Variants in RALYL observed in about 807,000 individuals in gnomAD.
RALYL encodes RALY RNA binding protein like.
RALYL carries 29 observed loss-of-function variants against 35.1 expected under a neutral mutation model. That is an observed-to-expected ratio of 0.83 (90% CI 0.61 to 1.13). RALYL has a LOEUF of 1.13. RALYL is among the 50% of genes most tolerant of loss of function. The probability of loss-of-function intolerance (pLI) is 0.00; values close to 1 mark genes in which losing one functional copy is unlikely to be tolerated. For missense variants in RALYL, 359 were observed against 360.4 expected (o/e 1.00, Z 0.03); for synonymous variants, 120 against 127.6 (o/e 0.94, Z 0.40).
At chr8:84,481,914 ACT>A (rs1033321504) in intron 1 of RALYL, among the ~76,000 whole-genome samples, 3 of 152,106 alleles carry the variant, frequency 2.0e-5, no homozygotes, top group Admixed American at 6.6e-5. Context: ...ACAATTATCA[ACT>A]CTCATAAAAT....
At chr8:84,189,005 A>G (rs1160832691) in intron 1 of RALYL, among the ~76,000 whole-genome samples, 1 of 152,106 alleles carries the variant, frequency 6.6e-6, no homozygotes, top group African/African-American at 2.4e-5. Flanking sequence ...GTCTTTTTCT[A>G]TCCATTTGTA....
chr8:84,195,124 C>T (rs183365483), intron 1 of RALYL, among the ~76,000 whole-genome samples: 62 of 152,220 alleles, frequency 4.1e-4, no homozygotes, highest in African/African-American at 1.5e-3. Context: ...TCTAGCCCCT[C>T]TTTTCAGAGT....
At chr8:84,837,145 C>A (rs1211307265) in intron 4 of RALYL, among the ~76,000 whole-genome samples, 2 of 152,148 alleles carry the variant, frequency 1.3e-5, no homozygotes, top group African/African-American at 4.8e-5. Context: ...GTTCTTATTT[C>A]AGATTCAGTT....
chr8:84,555,791 T>C (rs1436359817), intron 2 of RALYL, among the ~76,000 whole-genome samples: 1 of 152,190 alleles, frequency 6.6e-6, no homozygotes, highest in Non-Finnish European at 1.5e-5. Flanking sequence ...ATATAACATT[T>C]TCTAAATTTA....
chr8:84,246,146 A>G (rs1278503877), intron 1 of RALYL, among the ~76,000 whole-genome samples: 1 of 152,134 alleles, frequency 6.6e-6, no homozygotes, highest in Non-Finnish European at 1.5e-5. Flanking sequence ...GGTAGACAAC[A>G]GCACCAGTGA....
At chr8:84,648,118 G>A (rs1347424738) in intron 2 of RALYL, among the ~76,000 whole-genome samples, 2 of 150,680 alleles carry the variant, frequency 1.3e-5, no homozygotes, top group African/African-American at 4.9e-5. Flanking sequence ...GCACATGCGT[G>A]CACACACACA....
intron 2 of RALYL, among the ~76,000 whole-genome samples, chr8:84,570,689 T>C (rs2135774718): frequency 6.6e-6 from 1 of 152,014 alleles, no homozygotes; most frequent in African/African-American, 2.4e-5. Flanking sequence ...GCTTTCAACT[T>C]TTCTCCATTC....
At chr8:84,497,383 T>C (rs1404772566) in intron 1 of RALYL, among the ~76,000 whole-genome samples, 4 of 152,302 alleles carry the variant, frequency 2.6e-5, no homozygotes, top group East Asian at 3.9e-4. Context: ...CTATGGTTTA[T>C]TTGATGAACC....
chr8:84,689,905 T>C (rs1360219869), intron 2 of RALYL, among the ~76,000 whole-genome samples: 1 of 152,086 alleles, frequency 6.6e-6, no homozygotes, highest in Non-Finnish European at 1.5e-5. Flanking sequence ...TGTCATCAAG[T>C]GTGGAAAAAA....
chr8:84,373,702 C>G (rs1856384840), intron 1 of RALYL, among the ~76,000 whole-genome samples: 2 of 151,952 alleles, frequency 1.3e-5, no homozygotes, highest in Non-Finnish European at 2.9e-5. Context: ...GCAATTCAGG[C>G]TCTTTTATGG....
chr8:84,466,736 A>G (rs1233414055), intron 1 of RALYL, among the ~76,000 whole-genome samples: 1 of 151,452 alleles, frequency 6.6e-6, no homozygotes, highest in African/African-American at 2.4e-5. Context: ...TCCTCCTTGT[A>G]CCTCTGGTAG....
intron 2 of RALYL, among the ~76,000 whole-genome samples, chr8:84,771,713 T>C (rs2133543212): frequency 6.6e-6 from 1 of 152,210 alleles, no homozygotes; most frequent in Admixed American, 6.5e-5. Flanking sequence ...CTAGGCTTTT[T>C]ATTAATTTTC....
At chr8:84,789,017 G>T (rs1231974136) in intron 3 of RALYL, among the ~76,000 whole-genome samples, 1 of 152,190 alleles carries the variant, frequency 6.6e-6, no homozygotes, top group African/African-American at 2.4e-5. Context: ...CAGCTGCTTT[G>T]CTGCTGCTTT....
At chr8:84,666,941 T>C (rs1832187884) in intron 2 of RALYL, among the ~76,000 whole-genome samples, 1 of 152,108 alleles carries the variant, frequency 6.6e-6, no homozygotes, top group Admixed American at 6.6e-5. Flanking sequence ...TTGTTTCTGC[T>C]ATATCAATTA....
chr8:84,189,688 T>C lies in RALYL; in HGVS notation c.-24+5264T>C, dbSNP rs77914516. ...TGACGACTCATGTTTTTTTTTTTTT[T>C]CCTACACAGATATGCTTCATTTGTG... On this transcript the variant is annotated intron_variant, in intron 1 of 8. Transcript: ENST00000521268. Among the ~76,000 whole-genome samples, 312 of 152,154 alleles carry C rather than the reference T, an allele frequency of 2.1e-3. 1 individual carries two copies. The highest frequency in any genetic ancestry group is 7.2e-3 in the African/African-American group (300 of 41,512).
chr8:84,574,074 G>A (rs1457969221), intron 2 of RALYL, among the ~76,000 whole-genome samples: 2 of 151,874 alleles, frequency 1.3e-5, no homozygotes, highest in Non-Finnish European at 2.9e-5. Flanking sequence ...TGTCATTGTT[G>A]AGTTTAGTAG....
intron 7 of RALYL, among the ~76,000 whole-genome samples, chr8:84,880,520 T>C (rs1027782134): frequency 2.0e-5 from 3 of 151,928 alleles, no homozygotes; most frequent in South Asian, 2.1e-4. Context: ...ATTCCTACCA[T>C]AGCAGTGTTG....
At chr8:84,457,437 T>C (rs1411442118) in intron 1 of RALYL, among the ~76,000 whole-genome samples, 2 of 151,986 alleles carry the variant, frequency 1.3e-5, no homozygotes, top group Non-Finnish European at 2.9e-5. Context: ...TAGGCCATGT[T>C]GCCTTTTACC....
intron 2 of RALYL, among the ~76,000 whole-genome samples, chr8:84,587,712 A>G (rs1005020588): frequency 6.6e-6 from 1 of 152,222 alleles, no homozygotes; most frequent in African/African-American, 2.4e-5. Context: ...AATTAAAAAC[A>G]TGTAAAATAC....
Sources: allele counts gnomAD v4.1 joint callset (sites outside exome capture counted in the v4.1 genomes callset), GRCh38; gene constraint gnomAD v4.1.1; transcripts MANE v1.5; gene names NCBI Gene and HGNC (gene_info 2026-07-23, HGNC 2026-07-21).